SNX9: variants seen among roughly 807,000 people sequenced by gnomAD.
The protein encoded by SNX9 is sorting nexin 9.
SNX9 carries 44 observed loss-of-function variants against 89.4 expected under a neutral mutation model. That is an observed-to-expected ratio of 0.49 (90% confidence interval 0.39 to 0.63). SNX9 has a LOEUF of 0.63. Among genes scored for constraint, SNX9 ranks in the 30% least tolerant of loss-of-function variants. SNX9 has a pLI of 0.00. For missense variants in SNX9, 578 were observed against 736.1 expected (o/e 0.79, Z 2.49); for synonymous variants, 236 against 247.8 (o/e 0.95, Z 0.45).
chr6:157,883,239 A>G (rs142823367), intron 4 of SNX9, among the ~76,000 whole-genome samples: 10 of 152,342 alleles, frequency 6.6e-5, no homozygotes, highest in African/African-American at 2.4e-4. Flanking sequence ...TTTATACATA[A>G]TGCTCTCGCA....
intron 17 of SNX9, 26 bp from the exon 18 acceptor site, chr6:157,942,765 G>A (rs374146852): frequency 1.2e-4 from 187 of 1,612,758 alleles, no homozygotes; most frequent in Middle Eastern, 3.3e-4. Context: ...ATATCTCAAC[G>A]TTGTTTTGTT....
chr6:157,850,153 G>A (rs937464515), intron 1 of SNX9, among the ~76,000 whole-genome samples: 1 of 152,166 alleles, frequency 6.6e-6, no homozygotes, highest in South Asian at 2.1e-4. Context: ...GGACAGCAAT[G>A]TCAGACGCAG....
intron 1 of SNX9, among the ~76,000 whole-genome samples, chr6:157,834,015 G>C (rs1343720630): frequency 6.6e-6 from 1 of 152,072 alleles, no homozygotes. Flanking sequence ...TGTACTTAGA[G>C]GTAATGAGGC....
chr6:157,834,150 GTTTT>G (rs561509955), intron 1 of SNX9, among the ~76,000 whole-genome samples: 2 of 35,638 alleles, frequency 5.6e-5, no homozygotes, highest in Admixed American at 5.1e-4. Flanking sequence ...GTCCACTGTG[GTTTT>G]TTTTTTTTTT....
intron 4 of SNX9, among the ~76,000 whole-genome samples, chr6:157,892,192 G>A (rs1380697624): frequency 6.6e-6 from 1 of 152,194 alleles, no homozygotes; most frequent in African/African-American, 2.4e-5. Context: ...AGGTTTTACC[G>A]TGACGAGGTG....
intron 13 of SNX9, among the ~76,000 whole-genome samples, chr6:157,932,500 T>A (rs2115209444): frequency 6.6e-6 from 1 of 152,286 alleles, no homozygotes; most frequent in South Asian, 2.1e-4. Context: ...GTTTGCCTTT[T>A]TTTGCTCTCT....
At chr6:157,865,339 GGAAAAAAA>G (rs898708982) in intron 1 of SNX9, among the ~76,000 whole-genome samples, 1 of 127,498 alleles carries the variant, frequency 7.8e-6, no homozygotes, top group Admixed American at 7.6e-5. Flanking sequence ...AACAGTCTCA[GGAAAAAAA>G]AAAAAAAAAA....
At chr6:157,867,957 C>T (rs1782302698) in intron 2 of SNX9, among the ~76,000 whole-genome samples, 1 of 152,188 alleles carries the variant, frequency 6.6e-6, no homozygotes, top group South Asian at 2.1e-4. Flanking sequence ...TACTTACAAC[C>T]TTTTAGGTAC....
At chr6:157,857,426 C>T (rs2115126281) in intron 1 of SNX9, among the ~76,000 whole-genome samples, 1 of 152,052 alleles carries the variant, frequency 6.6e-6, no homozygotes, top group African/African-American at 2.4e-5. Context: ...TCGGAATTCC[C>T]AATCTGGGCA....
chr6:157,898,408 A>G (rs1783025067), intron 5 of SNX9, among the ~76,000 whole-genome samples: 2 of 152,196 alleles, frequency 1.3e-5, no homozygotes, highest in Admixed American at 6.5e-5. Context: ...AGGGAAGCTG[A>G]GCCCACGTTC....
intron 16 of SNX9, among the ~76,000 whole-genome samples, chr6:157,940,449 G>T (rs750807669): frequency 6.6e-6 from 1 of 152,142 alleles, no homozygotes; most frequent in Non-Finnish European, 1.5e-5. Context: ...AGACAGTCTC[G>T]CTCTGTCACC....
chr6:157,878,983 C>G (rs1782573472), intron 4 of SNX9, among the ~76,000 whole-genome samples: 1 of 152,086 alleles, frequency 6.6e-6, no homozygotes, highest in Non-Finnish European at 1.5e-5. Context: ...TAAGATTCTT[C>G]TATCAAACTA....
At chr6:157,910,921 A>G (rs1783327567) in intron 9 of SNX9, among the ~76,000 whole-genome samples, 1 of 152,142 alleles carries the variant, frequency 6.6e-6, no homozygotes, top group Non-Finnish European at 1.5e-5. Flanking sequence ...GGAGATCGAG[A>G]CCATCCAGGC....
intron 9 of SNX9, among the ~76,000 whole-genome samples, chr6:157,913,373 A>G (rs1240688853): frequency 1.3e-5 from 2 of 152,080 alleles, no homozygotes; most frequent in Non-Finnish European, 2.9e-5. Flanking sequence ...GTGCAGTGGC[A>G]CAATCATAGC....
intron 1 of SNX9, among the ~76,000 whole-genome samples, chr6:157,861,946 C>T (rs990987207): frequency 3.9e-5 from 6 of 152,092 alleles, no homozygotes; most frequent in East Asian, 1.9e-4. Context: ...CTAAATGGGA[C>T]GGCTACTACA....
intron 13 of SNX9, among the ~76,000 whole-genome samples, chr6:157,933,499 A>G (rs1783859163): frequency 6.6e-6 from 1 of 152,222 alleles, no homozygotes; most frequent in African/African-American, 2.4e-5. Context: ...GGGCTCCCAC[A>G]TGGCAATAGT....
intron 6 of SNX9, among the ~76,000 whole-genome samples, chr6:157,902,429 T>C (rs1037823060): frequency 2.0e-5 from 3 of 152,174 alleles, no homozygotes; most frequent in African/African-American, 7.2e-5. Context: ...GTGCCAGGCA[T>C]TGTGCAGAGA....
intron 3 of SNX9, 50 bp downstream of exon 3, chr6:157,873,226 C>G (rs1333647862): frequency 7.0e-7 from 1 of 1,433,950 alleles, no homozygotes; most frequent in East Asian, 2.4e-5. Flanking sequence ...TGCCAGGCAT[C>G]TTTTTATGAA....
At chr6:157,917,588 T>A (rs796337621) in intron 9 of SNX9, among the ~76,000 whole-genome samples, 1 of 152,272 alleles carries the variant, frequency 6.6e-6, no homozygotes, top group African/African-American at 2.4e-5. Context: ...TCTATGGGAA[T>A]TGGTTCCAGA....
Sources: allele counts gnomAD v4.1 joint callset (sites outside exome capture counted in the v4.1 genomes callset), GRCh38; gene constraint gnomAD v4.1.1; transcripts MANE v1.5; gene names NCBI Gene and HGNC (gene_info 2026-07-23, HGNC 2026-07-21).